PLXDC2: variants seen among roughly 807,000 people sequenced by gnomAD.
PLXDC2 encodes plexin domain-containing protein 2.
A neutral mutation model predicts 68.9 loss-of-function variants in PLXDC2; 40 were observed. The observed-to-expected ratio is 0.58, with a 90% confidence interval of 0.45 to 0.76. The LOEUF (loss-of-function observed/expected upper bound fraction) is 0.76. Among genes scored for constraint, PLXDC2 ranks in the 30% least tolerant of loss-of-function variants. The probability of loss-of-function intolerance (pLI) is 0.00; values close to 1 mark genes in which losing one functional copy is unlikely to be tolerated. For synonymous variants in PLXDC2, 243 were observed against 234.2 expected (o/e 1.04, Z -0.34); for missense variants, 644 against 661.9 (o/e 0.97, Z 0.30).
At chr10:20,001,736 A>G in intron 1 of PLXDC2, 39 bp from the exon 2 acceptor site, 3 of 1,586,802 alleles carry the variant, frequency 1.9e-6, no homozygotes, top group African/African-American at 1.3e-5. Context: ...TATGGTACAC[A>G]TAATGAGTGG....
At chr10:19,917,713 G>A (rs562074943) in intron 1 of PLXDC2, among the ~76,000 whole-genome samples, 13 of 152,270 alleles carry the variant, frequency 8.5e-5, no homozygotes, top group Non-Finnish European at 1.9e-4. Context: ...TTCTCCAAAA[G>A]TCCATGATAT....
chr10:20,148,051 G>C (rs1346509592), intron 6 of PLXDC2, 149 bp downstream of exon 6: 6 of 620,918 alleles, frequency 9.7e-6, no homozygotes, highest in Non-Finnish European at 1.4e-5. Context: ...AAAATGTTTT[G>C]ATTAGTTTTA....
rs1367079280 is a variant in PLXDC2 at position 20,249,007 on chromosome 10, C to G, written c.1473+3502C>G. On this transcript the variant is annotated intron_variant, in intron 13 of 13. Coordinates refer to ENST00000377252, the MANE Select transcript of PLXDC2 (RefSeq NM_032812.9). The stretch of plus-strand genomic sequence containing the variant: ...TAGTTCCAGCATGCAGAAATGATGA[C>G]TATTAATAGTTTAATTTATTTTCTT... Among the ~76,000 whole-genome samples the G allele has an allele frequency of 2.0e-5, 3 of 152,260 alleles. No homozygotes were observed. The East Asian group carries it at 5.8e-4, about 29-fold the overall frequency.
At chr10:20,255,222 T>C (rs1835728561) in intron 13 of PLXDC2, among the ~76,000 whole-genome samples, 1 of 151,620 alleles carries the variant, frequency 6.6e-6, no homozygotes, top group Non-Finnish European at 1.5e-5. Context: ...GATAGATAGA[T>C]AGATAGATAG....
At chr10:20,065,194 G>A (rs561755421) in intron 3 of PLXDC2, among the ~76,000 whole-genome samples, 1 of 152,306 alleles carries the variant, frequency 6.6e-6, no homozygotes, top group South Asian at 2.1e-4. Context: ...TGTCAGAAGG[G>A]ATGTCATGTG....
intron 1 of PLXDC2, among the ~76,000 whole-genome samples, chr10:19,904,301 T>C (rs537919877): frequency 7.2e-5 from 11 of 152,260 alleles, no homozygotes; most frequent in African/African-American, 2.6e-4. Context: ...CCCACTATTA[T>C]TGTGTTGCTG....
chr10:20,222,650 A>C (rs1223047544), intron 12 of PLXDC2, among the ~76,000 whole-genome samples: 1 of 152,118 alleles, frequency 6.6e-6, no homozygotes. Flanking sequence ...AGTAAGATAG[A>C]GCTTTGATTG....
intron 7 of PLXDC2, 115 bp downstream of exon 7, chr10:20,164,682 G>A: frequency 1.3e-6 from 1 of 768,710 alleles, no homozygotes; most frequent in Non-Finnish European, 2.2e-6. Context: ...TCGATTAGCT[G>A]ATTAATGCTT....
chr10:19,900,303 C>T (rs1179249269), intron 1 of PLXDC2, among the ~76,000 whole-genome samples: 2 of 152,126 alleles, frequency 1.3e-5, no homozygotes, highest in East Asian at 3.9e-4. Flanking sequence ...GGAATGACAA[C>T]TTATGAGCCA....
intron 9 of PLXDC2, among the ~76,000 whole-genome samples, chr10:20,197,293 C>T (rs926347831): frequency 1.3e-5 from 2 of 152,148 alleles, no homozygotes; most frequent in Non-Finnish European, 2.9e-5. Flanking sequence ...TCATAGTCTT[C>T]CTTCAAAAAA....
intron 4 of PLXDC2, among the ~76,000 whole-genome samples, chr10:20,082,045 GAAAAAAAAAAAAAAAAATCA>G (rs1319560390): frequency 1.0e-4 from 1 of 9,614 alleles, no homozygotes; most frequent in Non-Finnish European, 1.6e-4. Flanking sequence ...AACTCCATCT[GAAAAAAAAAAAAAAAAATCA>G]AAAAAAAAAA....
intron 4 of PLXDC2, among the ~76,000 whole-genome samples, chr10:20,092,575 A>T (rs1201669072): frequency 6.6e-6 from 1 of 152,144 alleles, no homozygotes; most frequent in Non-Finnish European, 1.5e-5. Flanking sequence ...TTGACAAGGA[A>T]GTTGGGAAGT....
intron 1 of PLXDC2, among the ~76,000 whole-genome samples, chr10:19,883,149 A>G (rs1338006572): frequency 6.6e-6 from 1 of 151,698 alleles, no homozygotes; most frequent in African/African-American, 2.4e-5. Context: ...TTTTTAGTAG[A>G]GATGGGGTTT....
intron 2 of PLXDC2, among the ~76,000 whole-genome samples, chr10:20,015,032 T>C (rs1264714514): frequency 1.3e-5 from 2 of 152,332 alleles, no homozygotes; most frequent in East Asian, 3.9e-4. Flanking sequence ...GATTTTCAGC[T>C]TTGAAGCAGT....
chr10:20,116,869 T>A (rs1336625538), intron 4 of PLXDC2, among the ~76,000 whole-genome samples: 2 of 152,176 alleles, frequency 1.3e-5, no homozygotes, highest in African/African-American at 4.8e-5. Context: ...TGCAAGTAAA[T>A]TCTACAGATT....
At chr10:19,929,660 A>G (rs1363181353) in intron 1 of PLXDC2, among the ~76,000 whole-genome samples, 1 of 152,184 alleles carries the variant, frequency 6.6e-6, no homozygotes, top group African/African-American at 2.4e-5. Context: ...AGTCTAAGCA[A>G]TGACTAGCAC....
chr10:19,817,828 G>T (rs1320690148), intron 1 of PLXDC2, among the ~76,000 whole-genome samples: 2 of 152,202 alleles, frequency 1.3e-5, no homozygotes, highest in East Asian at 3.9e-4. Flanking sequence ...ATTGTCCTCC[G>T]CCTGCCAGCT....
At chr10:20,230,849 T>C (rs1283547312) in intron 12 of PLXDC2, among the ~76,000 whole-genome samples, 1 of 145,328 alleles carries the variant, frequency 6.9e-6, no homozygotes, top group Non-Finnish European at 1.5e-5. Flanking sequence ...CCCTGGAGGG[T>C]TTTTTTTTTC....
chr10:19,919,890 T>G (rs538703200), intron 1 of PLXDC2, among the ~76,000 whole-genome samples: 1 of 152,338 alleles, frequency 6.6e-6, no homozygotes, highest in Admixed American at 6.5e-5. Context: ...TTCTAGTGTG[T>G]GAAAGGCTGT....
Sources: gnomAD v4.1 joint callset for allele counts (sites outside exome capture counted in the v4.1 genomes callset) on GRCh38, gnomAD v4.1.1 for gene constraint, MANE v1.5 for transcripts, NCBI Gene and HGNC (gene_info 2026-07-23, HGNC 2026-07-21) for gene names.